SRD5A3: variants seen among roughly 807,000 people sequenced by gnomAD.
The protein encoded by SRD5A3 is steroid 5 alpha-reductase 3, also known as polyprenal reductase.
SRD5A3 carries 24 observed loss-of-function variants against 34.3 expected under a neutral mutation model. The ratio of observed to expected loss-of-function variants is 0.70; its 90% CI spans 0.51 to 0.99. The LOEUF is 0.99. Ranked by LOEUF, SRD5A3 falls within the 50% of genes least tolerant of loss-of-function variation. SRD5A3 has a pLI of 0.00. For synonymous variants in SRD5A3, 161 were observed against 167.3 expected, an observed-to-expected ratio of 0.96 and a Z score of 0.29; for missense variants, 350 against 388.2, an observed-to-expected ratio of 0.90 and a Z score of 0.83.
chr4:55,355,255 G>T (rs540394458), intron 1 of SRD5A3, among the ~76,000 whole-genome samples: 70 of 152,190 alleles, frequency 4.6e-4, no homozygotes, highest in South Asian at 1.5e-3. Context: ...TTAGGAGATC[G>T]AGACCATCCT....
intron 1 of SRD5A3, 148 bp from the exon 2 acceptor site, chr4:55,359,198 C>A: frequency 1.8e-6 from 2 of 1,110,328 alleles, no homozygotes; most frequent in South Asian, 1.3e-5. Flanking sequence ...ACCTGAACAC[C>A]TATAGGATTC....
At chr4:55,368,729 T>G (rs555665786) in intron 4 of SRD5A3, among the ~76,000 whole-genome samples, 105 of 145,404 alleles carry the variant, frequency 7.2e-4, no homozygotes, top group Non-Finnish European at 1.4e-3. Flanking sequence ...CCCGGCCTAT[T>G]ATTTATTTAT....
At chr4:55,353,621 T>G (rs1173659796) in intron 1 of SRD5A3, among the ~76,000 whole-genome samples, 1 of 152,230 alleles carries the variant, frequency 6.6e-6, no homozygotes, top group Non-Finnish European at 1.5e-5. Context: ...CTGCACTACC[T>G]TTATGAGCTG....
At chr4:55,355,062 G>A (rs1719397111) in intron 1 of SRD5A3, among the ~76,000 whole-genome samples, 1 of 152,232 alleles carries the variant, frequency 6.6e-6, no homozygotes. Context: ...AGGAAAAAAG[G>A]AGAGTGTCCA....
Position 55,346,352 on chromosome 4 carries a change from G to A in SRD5A3, c.16G>A (p.Glu6Lys), listed in dbSNP as rs745955548. 4.6e-6 allele frequency: 7 copies of A among 1,517,354 alleles called. No individual in the cohort carries two copies. The highest frequency in any genetic ancestry group is 6.2e-6 in the Non-Finnish European group (7 of 1,134,538). The allele number at this position is 1,517,354 out of a possible 1,614,324, so 94.0% of individuals were successfully genotyped here. The change falls in exon 1 of 5, where the codon GAG becomes AAG. Residue 6 changes from glutamate to lysine, a missense_variant. Physicochemically the swap from Glu to Lys is moderately conservative, Grantham distance 56 (BLOSUM62 1). This residue lies in a region of SRD5A3 where 159 missense variants were observed against 149.1 expected (regional missense o/e 1.07). Coordinates refer to ENST00000264228, the MANE Select transcript of SRD5A3 (RefSeq NM_024592.5). MAPWA[E>K]AEHSALNPLR... ...CACGCGGGCCATGGCTCCCTGGGCG[G>A]AGGCCGAGCACTCGGCGCTGAACCC...
chr4:55,346,480 C>T lies in SRD5A3; in HGVS notation c.144C>T (p.Asp48=), dbSNP rs993981563. 1.2e-6 allele frequency: 2 copies of T among 1,606,090 alleles called. No homozygotes were observed. The highest frequency in any genetic ancestry group is 1.6e-4 in the Middle Eastern group (1 of 6,070). The stretch of plus-strand genomic sequence containing the variant: ...TCCCGGGCTGCGCGATCTTCCAGGA[C>T]CTGATCCGCTATGGGAAAACCAAGT... ...GLLPGCAIFQ[D]LIRYGKTKCG... Residue 48 remains aspartate (D), a synonymous_variant, in exon 1 of 5, where the codon GAC becomes GAT. Coordinates refer to ENST00000264228, the MANE Select transcript of SRD5A3 (RefSeq NM_024592.5).
intron 2 of SRD5A3, 43 bp from the exon 3 acceptor site, chr4:55,364,031 T>G: frequency 6.2e-7 from 1 of 1,603,336 alleles, no homozygotes; most frequent in Non-Finnish European, 8.5e-7. Context: ...TTTGGATTAA[T>G]CCCAGAAGAG....
rs1459812426 is a variant in SRD5A3, at chr4:55,367,722, G to C, written c.697G>C (p.Gly233Arg). 1.1e-5 allele frequency: 17 copies of C among 1,614,036 alleles called. No individual in the cohort carries two copies. The highest frequency in any genetic ancestry group is 1.4e-5 in the Non-Finnish European group (17 of 1,180,010). Residue 233 changes from glycine to arginine, a missense_variant and splice_region_variant, in exon 4 of 5, where the codon GGA (glycine) becomes CGA (arginine). By Grantham distance (125) the Gly-to-Arg change is moderately radical. Coordinates refer to ENST00000264228, the MANE Select transcript of SRD5A3 (RefSeq NM_024592.5). ...ILGNLRKNKA[G>R]VVIHCNHRIP... is the part of the protein sequence containing the mutation. ...CGGCAATCTCAGGAAAAATAAAGCAGGTGAGACCTCTTTTAGAGCCTCTGC... is the reference window on the plus strand; with the variant it reads ...CGGCAATCTCAGGAAAAATAAAGCACGTGAGACCTCTTTTAGAGCCTCTGC...
chr4:55,369,730 CAAAAA>C (rs3034884), intron 4 of SRD5A3, 97 bp from the exon 5 acceptor site: 28 of 1,273,936 alleles, frequency 2.2e-5, no homozygotes, highest in South Asian at 4.0e-5. Flanking sequence ...GACTTTGCCT[CAAAAA>C]AAAAAAAAAA....
chr4:55,356,000 A>ATTTTTTTTTTTTTTTTTT lies in SRD5A3; in HGVS notation c.222-3337_222-3320dup, dbSNP rs10648522. 2.6e-4 allele frequency among the ~76,000 whole-genome samples: 19 copies of ATTTTTTTTTTTTTTTTTT among 74,268 alleles called. 1 individual carries two copies. Among genetic ancestry groups the ATTTTTTTTTTTTTTTTTT allele is most frequent in the South Asian group, 6.7e-4 (1 of 1,502 alleles). 48.7% of individuals were successfully genotyped at this position (74,268 alleles called of 152,430 possible). A position where few individuals can be genotyped will look rare whatever the true frequency, so the allele number is the denominator to read the frequency against. On this transcript the variant is annotated intron_variant, in intron 1 of 4. Coordinates refer to ENST00000264228, the MANE Select transcript of SRD5A3 (RefSeq NM_024592.5). ...ATGACCAATGCTTTCTTTTGCCTCCATTTTTTTTTTTTTTTTTTTTTTTTT... is the reference window on the plus strand; with the variant it reads ...ATGACCAATGCTTTCTTTTGCCTCCATTTTTTTTTTTTTTTTTTTTTTTTTTTTTTTTTTTTTTTTTTT...
At chr4:55,353,271 A>C (rs1719268229) in intron 1 of SRD5A3, among the ~76,000 whole-genome samples, 1 of 152,216 alleles carries the variant, frequency 6.6e-6, no homozygotes, top group South Asian at 2.1e-4. Context: ...GCACTCTGTA[A>C]AAACACACAA....
At chr4:55,356,914 C>CCCACTCCTGCCTCA (rs1719486442) in intron 1 of SRD5A3, among the ~76,000 whole-genome samples, 1 of 152,148 alleles carries the variant, frequency 6.6e-6, no homozygotes, top group African/African-American at 2.4e-5. Context: ...ATGTCCTCTC[C>CCCACTCCTGCCTCA]CCACTCCTGC....
chr4:55,354,932 C>T (rs1290346861), intron 1 of SRD5A3, among the ~76,000 whole-genome samples: 27 of 152,220 alleles, frequency 1.8e-4, no homozygotes, highest in Admixed American at 1.8e-3. Context: ...AGTAAGCACT[C>T]AAATGTTTGT....
At position 55,367,653 on chromosome 4, in the gene SRD5A3, T is replaced by A. The variant is rs1719954645; in HGVS notation, c.628T>A (p.Phe210Ile). Reference sequence around the variant, plus strand: ...GTTCCATATTCTTGGGATGATGATGTTCATCTGGTCATCTGCCCATCAGTA... The same window carrying A: ...GTTCCATATTCTTGGGATGATGATGATCATCTGGTCATCTGCCCATCAGTA... ...RWFHILGMMM[F>I]IWSSAHQYKC... Residue 210 changes from phenylalanine (F) to isoleucine (I), a missense_variant, in exon 4 of 5, where the codon TTC (phenylalanine) becomes ATC (isoleucine). Phe to Ile is a conservative substitution (Grantham distance 21, BLOSUM62 0). Around this residue, in one of 3 missense-constraint regions of SRD5A3, gnomAD observed 186 missense variants for 221.4 expected, o/e 0.84. Transcript: ENST00000264228. The A allele has an allele frequency of 6.2e-7, 1 of 1,614,034 alleles. No individual in the cohort carries two copies. The highest frequency in any genetic ancestry group is 1.3e-5 in the African/African-American group (1 of 74,932).
chr4:55,366,952 C>G (rs960652998), intron 3 of SRD5A3: 1 of 153,300 alleles, frequency 6.5e-6, no homozygotes, highest in Non-Finnish European at 1.5e-5. Context: ...AACTCAGTCT[C>G]TCGACTGTTC....
At chr4:55,349,676 GAAGAACTTCT>G (rs1230020529) in intron 1 of SRD5A3, among the ~76,000 whole-genome samples, 1 of 152,078 alleles carries the variant, frequency 6.6e-6, no homozygotes, top group East Asian at 1.9e-4. Context: ...AGTGAATGTA[GAAGAACTTCT>G]TAAATTTCAA....
At chr4:55,348,392 G>T (rs1328377316) in intron 1 of SRD5A3, among the ~76,000 whole-genome samples, 1 of 152,114 alleles carries the variant, frequency 6.6e-6, no homozygotes, top group Non-Finnish European at 1.5e-5. Context: ...ATTAATACAT[G>T]TATTACTCTC....
At chr4:55,358,535 CAA>C (rs576702969) in intron 1 of SRD5A3, among the ~76,000 whole-genome samples, 2,969 of 112,604 alleles carry the variant, frequency 0.026, 25 homozygotes, top group African/African-American at 0.031. Context: ...GACCCTGTCT[CAA>C]AAAAAAAAAA....
chr4:55,367,298 T>C, intron 3 of SRD5A3: 1 of 495,816 alleles, frequency 2.0e-6, no homozygotes, highest in Non-Finnish European at 3.7e-6. Context: ...AGCAAGAGAA[T>C]GTGTCTGTGT....
Sources: gnomAD v4.1 joint callset for allele counts (sites outside exome capture counted in the v4.1 genomes callset) on GRCh38, gnomAD v4.1.1 for gene constraint, gnomAD v4.1.1 regional missense constraint, MANE v1.5 for transcripts, NCBI Gene and HGNC (gene_info 2026-07-23, HGNC 2026-07-21) for gene names.